GPM6A: variants seen among roughly 807,000 people sequenced by gnomAD.
GPM6A encodes neuronal membrane glycoprotein M6-a.
Under a neutral mutation model 32.1 loss-of-function variants are expected in GPM6A, and 7 were observed. That is an observed-to-expected ratio of 0.22 (90% CI 0.12 to 0.41). The LOEUF (loss-of-function observed/expected upper bound fraction) is 0.41, where lower values mean the gene tolerates loss of function less well. GPM6A is among the 10% of genes least tolerant of loss of function. The probability of loss-of-function intolerance (pLI) is 1.00; values close to 1 mark genes in which losing one functional copy is unlikely to be tolerated. For synonymous variants in GPM6A, 130 were observed against 123.4 expected (o/e 1.05, Z -0.35); for missense variants, 235 against 347.2 (o/e 0.68, Z 2.57).
intron 1 of GPM6A, among the ~76,000 whole-genome samples, chr4:175,738,094 C>T (rs191334185): frequency 6.6e-5 from 10 of 152,244 alleles, no homozygotes; most frequent in African/African-American, 9.6e-5. Flanking sequence ...TGTGCCAACA[C>T]GCCTGGCTAA....
chr4:175,938,016 G>T (rs941937386), intron 1 of GPM6A, among the ~76,000 whole-genome samples: 1 of 152,058 alleles, frequency 6.6e-6, no homozygotes, highest in African/African-American at 2.4e-5. Context: ...CAAGTGAATG[G>T]ATTACATAGA....
chr4:175,663,233 A>G (rs938527372), intron 3 of GPM6A, among the ~76,000 whole-genome samples: 1 of 152,178 alleles, frequency 6.6e-6, no homozygotes, highest in African/African-American at 2.4e-5. Flanking sequence ...TCCACAGAAA[A>G]ACCTGCACAC....
chr4:175,871,044 G>A (rs1197946649), intron 1 of GPM6A, among the ~76,000 whole-genome samples: 1 of 151,706 alleles, frequency 6.6e-6, no homozygotes, highest in Non-Finnish European at 1.5e-5. Context: ...TTAATCCCAT[G>A]CCTCCTGCTT....
At chr4:175,842,622 A>G (rs1171311926) in intron 1 of GPM6A, among the ~76,000 whole-genome samples, 1 of 152,184 alleles carries the variant, frequency 6.6e-6, no homozygotes, top group Non-Finnish European at 1.5e-5. Context: ...GGCTGAGCCT[A>G]GGAGTTCAAT....
intron 2 of GPM6A, among the ~76,000 whole-genome samples, chr4:175,681,185 T>C (rs923034638): frequency 2.0e-5 from 3 of 152,186 alleles, no homozygotes; most frequent in African/African-American, 4.8e-5. Context: ...TTCCTCTCTA[T>C]AGGTCTTGTA....
At chr4:175,935,627 G>T (rs115656168) in intron 1 of GPM6A, among the ~76,000 whole-genome samples, 304 of 151,880 alleles carry the variant, frequency 2.0e-3, no homozygotes, top group African/African-American at 6.6e-3. Flanking sequence ...AAATACAAAA[G>T]AGAAAATATA....
chr4:175,655,463 A>G (rs1742026082), intron 3 of GPM6A, among the ~76,000 whole-genome samples: 1 of 152,196 alleles, frequency 6.6e-6, no homozygotes, highest in Middle Eastern at 3.4e-3. Flanking sequence ...TTGCATAATT[A>G]TAAATTTATT....
chr4:175,895,727 G>A (rs1320822272), intron 1 of GPM6A, among the ~76,000 whole-genome samples: 1 of 152,058 alleles, frequency 6.6e-6, no homozygotes, highest in African/African-American at 2.4e-5. Flanking sequence ...TGTTGAAAAT[G>A]GAATATTTAT....
chr4:175,719,728 C>T lies in GPM6A; in HGVS notation c.38-17961G>A, dbSNP rs184261156. ...ATTTGGAAATAGAGAGACAAATGGC[C>T]GTACTTCAAAGTAGATATGTCACTT... On this transcript the variant is annotated intron_variant, in intron 1 of 6. Transcript: ENST00000393658. Among the ~76,000 whole-genome samples the T allele has an allele frequency of 1.4e-4, 21 of 152,166 alleles. No homozygotes were observed. In the East Asian group the frequency reaches 2.7e-3, roughly 20 times the overall value.
chr4:175,853,367 T>C (rs1736319546), intron 1 of GPM6A, among the ~76,000 whole-genome samples: 1 of 152,026 alleles, frequency 6.6e-6, no homozygotes. Context: ...AAAAGAAGCT[T>C]TAGGTTTTCT....
At position 175,757,449 on chromosome 4, in the gene GPM6A, A is replaced by G. The variant is rs144271687; in HGVS notation, c.37+54742T>C. ...TCCCGGCCCACAGTAATCGTGGGAT[A>G]TAAAAATGTTCGTTGTTGCTTTATG... On this transcript the variant is annotated intron_variant, in intron 1 of 6. Coordinates refer to ENST00000393658, the MANE Select transcript of GPM6A (RefSeq NM_201591.3). Among the ~76,000 whole-genome samples, 651 of 152,278 alleles carry G rather than the reference A, an allele frequency of 4.3e-3. 3 individuals carry two copies. Among genetic ancestry groups the G allele is most frequent in the Non-Finnish European group, 6.9e-3 (469 of 68,022 alleles).
chr4:175,724,795 G>T lies in GPM6A; in HGVS notation c.38-23028C>A, dbSNP rs191126211. 7.9e-5 allele frequency among the ~76,000 whole-genome samples: 12 copies of T among 152,222 alleles called. No individual in the cohort carries two copies. The East Asian group carries it at 2.3e-3, about 30-fold the overall frequency. On this transcript the variant is annotated intron_variant, in intron 1 of 6. Transcript: ENST00000393658. ...GCAGTAGCTTCTCATTTCCTTTGGA[G>T]TAAAGACAGAATCCCTACAACAGAT...
At chr4:175,951,464 G>A (rs115006937) in intron 1 of GPM6A, among the ~76,000 whole-genome samples, 1,859 of 152,248 alleles carry the variant, frequency 0.012, 37 homozygotes, top group African/African-American at 0.043. Flanking sequence ...CTATAAGTCC[G>A]AAATTTCTGG....
In GPM6A at chr4:175,967,128, T is replaced by C. The variant is rs34520990; in HGVS notation, c.-23+35181A>G. On this transcript the variant is annotated intron_variant, in intron 1 of 7. Coordinates refer to the GPM6A transcript ENST00000280187. ...TGACCAAAAGTGATTTATTAGTGTA[T>C]GAAAATCTAGTTAAATATTCAAAAA... Among the ~76,000 whole-genome samples the C allele has an allele frequency of 3.5e-3, 540 of 152,310 alleles. 10 individuals are homozygous for C. Among genetic ancestry groups the C allele is most frequent in the Non-Finnish European group, 2.0e-3 (137 of 68,018 alleles).
At chr4:175,727,795 G>A (rs1731242841) in intron 1 of GPM6A, among the ~76,000 whole-genome samples, 1 of 152,126 alleles carries the variant, frequency 6.6e-6, no homozygotes, top group Non-Finnish European at 1.5e-5. Context: ...CCTGAGGTCA[G>A]GAGTTTGCGA....
At chr4:175,921,836 A>G (rs1579629277) in intron 1 of GPM6A, among the ~76,000 whole-genome samples, 1 of 152,332 alleles carries the variant, frequency 6.6e-6, no homozygotes, top group Middle Eastern at 3.4e-3. Context: ...CAGCTAACAA[A>G]AATGGCAACA....
chr4:175,822,332 T>G (rs947241641), intron 1 of GPM6A, among the ~76,000 whole-genome samples: 1 of 152,146 alleles, frequency 6.6e-6, no homozygotes, highest in Non-Finnish European at 1.5e-5. Context: ...TCTATCTATT[T>G]TTCTCTAAAC....
At chr4:175,743,965 A>G (rs1053864121) in intron 1 of GPM6A, among the ~76,000 whole-genome samples, 1 of 151,916 alleles carries the variant, frequency 6.6e-6, no homozygotes, top group African/African-American at 2.4e-5. Context: ...AGGACAAAAA[A>G]AAAAAAACAA....
chr4:175,663,529 G>A (rs1316109251), intron 3 of GPM6A, among the ~76,000 whole-genome samples: 2 of 152,050 alleles, frequency 1.3e-5, no homozygotes, highest in African/African-American at 4.8e-5. Context: ...GGTTTTAAGT[G>A]TTCTCAATAC....
Sources: gnomAD v4.1 joint callset for allele counts (sites outside exome capture counted in the v4.1 genomes callset) on GRCh38, gnomAD v4.1.1 for gene constraint, MANE v1.5 for transcripts, NCBI Gene and HGNC (gene_info 2026-07-23, HGNC 2026-07-21) for gene names.